The following AKAP7 variants were observed in gnomAD, a reference collection of about 807,000 sequenced individuals.
The protein encoded by AKAP7 is A kinase (PRKA) anchor protein 7.
Under a neutral mutation model 39.5 loss-of-function variants are expected in AKAP7, and 39 were observed. That is an observed-to-expected ratio of 0.99 (90% confidence interval 0.76 to 1.29). AKAP7 has a LOEUF of 1.29. AKAP7 is among the 50% of genes most tolerant of loss of function. The pLI is 0.00. For missense variants in AKAP7, 414 were observed against 407.7 expected (o/e 1.02, Z -0.13); for synonymous variants, 140 against 139.1 (o/e 1.01, Z -0.05).
In AKAP7 at chr6:131,160,699, G is replaced by C. The variant is rs114685577; in HGVS notation, c.291+501G>C. 1.3e-3 allele frequency among the ~76,000 whole-genome samples: 192 copies of C among 152,252 alleles called. 1 individual carries two copies. The highest frequency in any genetic ancestry group is 4.4e-3 in the African/African-American group (182 of 41,558). On this transcript the variant is annotated intron_variant, in intron 3 of 7. Coordinates refer to ENST00000431975, the MANE Select transcript of AKAP7 (RefSeq NM_016377.4). ...TTGGGAAGGTAAACTGGGGTTTCTT[G>C]CTGCTTAATCTTGTTTATTATAGTG... is the stretch of plus-strand genomic sequence containing the variant.
chr6:131,260,743 T>C (rs1340083091), intron 7 of AKAP7, among the ~76,000 whole-genome samples: 2 of 152,182 alleles, frequency 1.3e-5, no homozygotes, highest in Non-Finnish European at 2.9e-5. Context: ...TTCCTCCCAT[T>C]CTTTAGGTTG....
intron 6 of AKAP7, among the ~76,000 whole-genome samples, chr6:131,204,900 G>A (rs1410511889): frequency 6.6e-6 from 1 of 152,118 alleles, no homozygotes; most frequent in Non-Finnish European, 1.5e-5. Context: ...GCCAGATGGT[G>A]TCCTCCTTAT....
At chr6:131,257,579 G>C (rs1235058067) in intron 7 of AKAP7, among the ~76,000 whole-genome samples, 1 of 152,054 alleles carries the variant, frequency 6.6e-6, no homozygotes, top group African/African-American at 2.4e-5. Context: ...CTTACTTCCT[G>C]CCCCAGGAGA....
At chr6:131,179,167 G>A (rs967077647) in intron 5 of AKAP7, among the ~76,000 whole-genome samples, 4 of 112,356 alleles carry the variant, frequency 3.6e-5, no homozygotes, top group South Asian at 3.3e-4. Flanking sequence ...TTGTCTATTC[G>A]GTTTTTTTTT....
rs1388076684 is a variant in AKAP7, at chr6:131,283,295, CT to C, written c.*1571del. 6.6e-6 allele frequency: 1 copy of C among 152,554 alleles called. No individual in the cohort carries two copies. The highest frequency in any genetic ancestry group is 1.5e-5 in the Non-Finnish European group (1 of 68,030). 9.5% of individuals were successfully genotyped at this position (152,554 alleles called of 1,614,324 possible). On this transcript the variant is annotated 3_prime_UTR_variant, in exon 8 of 8. Coordinates refer to ENST00000431975, the MANE Select transcript of AKAP7 (RefSeq NM_016377.4). Reference sequence around the variant, plus strand: ...GCACTGCTTCTGTTTGAAAGAGCATCTTGAAAAACTTCCCCGGTATGATGAT... The same window carrying C: ...GCACTGCTTCTGTTTGAAAGAGCATCTGAAAAACTTCCCCGGTATGATGAT...
intron 3 of AKAP7, among the ~76,000 whole-genome samples, chr6:131,160,735 CAT>C (rs1415267318): frequency 6.6e-6 from 1 of 152,206 alleles, no homozygotes; most frequent in East Asian, 1.9e-4. Flanking sequence ...ATTATTTCAA[CAT>C]AGTTTCTTTA....
intron 6 of AKAP7, among the ~76,000 whole-genome samples, chr6:131,205,572 T>C (rs998820282): frequency 6.6e-6 from 1 of 152,106 alleles, no homozygotes; most frequent in Non-Finnish European, 1.5e-5. Flanking sequence ...ATACAGAAAC[T>C]CTCTCTCAAA....
intron 7 of AKAP7, among the ~76,000 whole-genome samples, chr6:131,222,952 A>C (rs948847498): frequency 2.0e-5 from 3 of 152,236 alleles, no homozygotes; most frequent in African/African-American, 7.2e-5. Flanking sequence ...TCCAGCAAGT[A>C]CTACTCTGAT....
intron 7 of AKAP7, among the ~76,000 whole-genome samples, chr6:131,253,659 C>T (rs1474912843): frequency 6.7e-6 from 1 of 149,686 alleles, no homozygotes; most frequent in East Asian, 2.0e-4. Flanking sequence ...ATGAGATCTA[C>T]TTATTTATTT....
rs1221493841 is a variant in AKAP7, at chr6:131,241,621, G to GTATATATACGTATATATATATA, written c.850+21814_850+21815insATATATACGTATATATATATAT. Among the ~76,000 whole-genome samples, 14 of 71,580 alleles carry GTATATATACGTATATATATATA rather than the reference G, an allele frequency of 2.0e-4. 1 individual carries two copies. The highest frequency in any genetic ancestry group is 6.8e-4 in the African/African-American group (13 of 19,046). 47.0% of individuals were successfully genotyped at this position (71,580 alleles called of 152,430 possible). A position where few individuals can be genotyped will look rare whatever the true frequency, so the allele number is the denominator to read the frequency against. On this transcript the variant is annotated intron_variant, in intron 7 of 7. Transcript: ENST00000431975. ...TGTGTGTGTGTGTGTGTGTGTGTGT[G>GTATATATACGTATATATATATA]TGTGTGTATATATATATGACAGTTA...
At chr6:131,246,162 A>G (rs1585168621) in intron 7 of AKAP7, among the ~76,000 whole-genome samples, 1 of 151,732 alleles carries the variant, frequency 6.6e-6, no homozygotes, top group Middle Eastern at 3.4e-3. Flanking sequence ...CAGAGAATAG[A>G]GCTTTTGGTC....
intron 6 of AKAP7, among the ~76,000 whole-genome samples, chr6:131,208,837 C>A (rs1262026322): frequency 6.6e-6 from 1 of 152,154 alleles, no homozygotes; most frequent in Admixed American, 6.5e-5. Context: ...CCATCTAGGA[C>A]TTTTCTGCTC....
At chr6:131,198,327 G>T (rs986241487) in intron 5 of AKAP7, among the ~76,000 whole-genome samples, 12 of 152,172 alleles carry the variant, frequency 7.9e-5, no homozygotes, top group African/African-American at 2.7e-4. Flanking sequence ...TTTCAAAAAT[G>T]AGGGCCATAT....
At chr6:131,205,416 G>T (rs886931416) in intron 6 of AKAP7, among the ~76,000 whole-genome samples, 2 of 152,120 alleles carry the variant, frequency 1.3e-5, no homozygotes, top group African/African-American at 4.8e-5. Context: ...TCCCAGTGGT[G>T]TTCAGTATTT....
chr6:131,174,123 C>G (rs1400559500), intron 5 of AKAP7, among the ~76,000 whole-genome samples: 1 of 152,162 alleles, frequency 6.6e-6, no homozygotes, highest in Admixed American at 6.5e-5. Flanking sequence ...AAAATAGAAG[C>G]TGGAGGGAGA....
At chr6:131,272,984 T>A (rs1268565652) in intron 7 of AKAP7, among the ~76,000 whole-genome samples, 1 of 152,178 alleles carries the variant, frequency 6.6e-6, no homozygotes, top group Non-Finnish European at 1.5e-5. Context: ...TTTAGTTCTA[T>A]CAGTTTTTGC....
intron 7 of AKAP7, among the ~76,000 whole-genome samples, chr6:131,232,105 T>A (rs1810673682): frequency 6.6e-6 from 1 of 152,184 alleles, no homozygotes; most frequent in African/African-American, 2.4e-5. Flanking sequence ...TCAGGCTATT[T>A]TGAAAATCCA....
In AKAP7 at chr6:131,165,176, C is replaced by G. The variant is rs1803359882; in HGVS notation, c.387C>G (p.Thr129=). 6.2e-7 allele frequency: 1 copy of G among 1,609,828 alleles called. No homozygotes were observed. The part of the protein sequence containing the change: ...AMVSDGSFHI[T]LLVMQLLNED... ...TCAGTGATGGTTCCTTTCATATTAC[C>G]CTGCTGGTGATGCAATTATTAAATG... The change falls in exon 4 of 8, where the codon ACC becomes ACG. Residue 129 remains threonine, a synonymous_variant. Transcript: ENST00000431975.
At chr6:131,159,372 C>T (rs918577030) in intron 2 of AKAP7, among the ~76,000 whole-genome samples, 5 of 152,018 alleles carry the variant, frequency 3.3e-5, no homozygotes, top group Admixed American at 6.5e-5. Flanking sequence ...GGATTACAGG[C>T]GTGAGCCACC....
Sources: gnomAD v4.1 joint callset for allele counts (sites outside exome capture counted in the v4.1 genomes callset) on GRCh38, gnomAD v4.1.1 for gene constraint, MANE v1.5 for transcripts, NCBI Gene and HGNC (gene_info 2026-07-23, HGNC 2026-07-21) for gene names.